The following PRRX2 variants were observed in gnomAD, a reference collection of about 807,000 sequenced individuals.
PRRX2 encodes paired related homeobox 2.
In PRRX2, 11 loss-of-function variants were observed where a neutral mutation model predicts 18.0. The observed-to-expected ratio is 0.61, with a 90% confidence interval of 0.39 to 1.01. PRRX2 has a LOEUF of 1.01. PRRX2 is among the 50% of genes least tolerant of loss of function. The pLI is 0.01. For missense variants in PRRX2, 387 were observed against 351.0 expected (o/e 1.10, Z -0.82); for synonymous variants, 177 against 154.8 (o/e 1.14, Z -1.06).
In PRRX2 at chr9:129,675,172, A is replaced by AG. The variant is rs1313786970; in HGVS notation, c.259+9051dup. Among the ~76,000 whole-genome samples the AG allele has an allele frequency of 6.6e-6, 1 of 152,090 alleles. No individual in the cohort carries two copies. Among genetic ancestry groups the AG allele is most frequent in the East Asian group, 1.9e-4 (1 of 5,182 alleles). On this transcript the variant is annotated intron_variant, in intron 1 of 3. Transcript: ENST00000372469. This position sits in a 1 kb window ranked among gnomAD's most constrained non-coding sequence, Gnocchi z 4.4. ...GAAGTGTCCAGTATACAGGAGAGGG[A>AG]GGGGGCTGCGCTGAGGCTAAGCCCC...
chr9:129,696,955 C>G (rs1490843853), intron 1 of PRRX2, among the ~76,000 whole-genome samples: 1 of 152,206 alleles, frequency 6.6e-6, no homozygotes, highest in African/African-American at 2.4e-5. Flanking sequence ...CGCTCTGCAG[C>G]TTTCTCGCTG....
intron 1 of PRRX2, among the ~76,000 whole-genome samples, chr9:129,686,461 C>G (rs1832300723): frequency 6.6e-6 from 1 of 152,206 alleles, no homozygotes; most frequent in South Asian, 2.1e-4. Context: ...ATCCTTCCGC[C>G]TCAGCCTCCC....
intron 1 of PRRX2, among the ~76,000 whole-genome samples, chr9:129,672,800 G>A (rs1456992868): frequency 6.6e-6 from 1 of 152,168 alleles, no homozygotes; most frequent in Non-Finnish European, 1.5e-5. Context: ...CCGGATGCAC[G>A]AGAGCTGTGG....
chr9:129,709,388 C>T lies in PRRX2; in HGVS notation c.260-9843C>T, dbSNP rs1205052625. ...GTTTGTGGGGGACATGAGGGAACCT[C>T]CTCCAGCCTCCTCCAAACTCCAGGG... On this transcript the variant is annotated intron_variant, in intron 1 of 3. Coordinates refer to ENST00000372469, the MANE Select transcript of PRRX2 (RefSeq NM_016307.4). The surrounding 1 kb of genome is among the most constrained non-coding windows in gnomAD (Gnocchi z 4.2). 6.6e-6 allele frequency among the ~76,000 whole-genome samples: 1 copy of T among 152,204 alleles called. No individual in the cohort carries two copies. The highest frequency in any genetic ancestry group is 1.9e-4 in the East Asian group (1 of 5,184).
chr9:129,701,092 C>T (rs1216655625), intron 1 of PRRX2, among the ~76,000 whole-genome samples: 2 of 152,228 alleles, frequency 1.3e-5, no homozygotes, highest in East Asian at 1.9e-4. Flanking sequence ...AGAGGAAAAT[C>T]GCAAGAGACC....
rs1832759676 is a variant in PRRX2 at position 129,719,417 on chromosome 9, A to G, written c.446A>G (p.Gln149Arg). 1 of 1,526,034 alleles carries G rather than the reference A, an allele frequency of 6.6e-7. No homozygotes were observed. The highest frequency in any genetic ancestry group is 8.8e-7 in the Non-Finnish European group (1 of 1,135,460). The allele number at this position is 1,526,034 out of a possible 1,614,324, so 94.5% of individuals were successfully genotyped here. The change falls in exon 2 of 4, where the codon CAG becomes CGG. Residue 149 changes from glutamine (Q) to arginine (R), a missense_variant and splice_region_variant. Physicochemically the swap from Gln to Arg is conservative, Grantham distance 43 (BLOSUM62 1). Coordinates refer to ENST00000372469, the MANE Select transcript of PRRX2 (RefSeq NM_016307.4). ...RRVNLSEARV[Q>R]VWFQNRRAKF... ...GTCAACCTCAGCGAGGCGCGCGTTCAGGTGAGCGCTCAGTCCCGGGCCTCC... is the reference window on the plus strand; with the variant it reads ...GTCAACCTCAGCGAGGCGCGCGTTCGGGTGAGCGCTCAGTCCCGGGCCTCC...
chr9:129,666,814 G>GGGGGA (rs1741839730), intron 1 of PRRX2, among the ~76,000 whole-genome samples: 1 of 152,218 alleles, frequency 6.6e-6, no homozygotes, highest in African/African-American at 2.4e-5. Context: ...ACGGTTCAGT[G>GGGGGA]GGGGAGGGGA....
intron 1 of PRRX2, among the ~76,000 whole-genome samples, chr9:129,677,270 C>T (rs1269942623): frequency 6.6e-6 from 1 of 152,194 alleles, no homozygotes; most frequent in Non-Finnish European, 1.5e-5. Context: ...AGCAGCCTCA[C>T]GAGAGAGGTG....
chr9:129,694,558 C>T (rs1408167746), intron 1 of PRRX2, among the ~76,000 whole-genome samples: 4 of 152,270 alleles, frequency 2.6e-5, no homozygotes, highest in South Asian at 4.1e-4. Context: ...GAGATTCATG[C>T]GTGCTCGGCA....
chr9:129,705,717 A>G (rs914572058), intron 1 of PRRX2, among the ~76,000 whole-genome samples: 2 of 151,276 alleles, frequency 1.3e-5, no homozygotes, highest in African/African-American at 4.9e-5. Flanking sequence ...CCTGTCCCCA[A>G]CCCTGGCTCC....
chr9:129,671,966 C>T lies in PRRX2; in HGVS notation c.259+5840C>T, dbSNP rs1411472358. 2.6e-5 allele frequency among the ~76,000 whole-genome samples: 4 copies of T among 152,008 alleles called. No homozygotes were observed. The East Asian group carries it at 5.8e-4, about 22-fold the overall frequency. On this transcript the variant is annotated intron_variant, in intron 1 of 3. Coordinates refer to ENST00000372469, the MANE Select transcript of PRRX2 (RefSeq NM_016307.4). This position sits in a 1 kb window ranked among gnomAD's most constrained non-coding sequence, Gnocchi z 4.0. ...GTGGGAGGGGAGGGGCAGCACGGAA[C>T]GGGCTCTGTGCCTATGTTAGGCGTT...
rs1491506009 is a variant in PRRX2, at chr9:129,715,748, T to TCA, written c.260-3482_260-3481insAC. On this transcript the variant is annotated intron_variant, in intron 1 of 3. Coordinates refer to ENST00000372469, the MANE Select transcript of PRRX2 (RefSeq NM_016307.4). This position sits in a 1 kb window ranked among gnomAD's most constrained non-coding sequence, Gnocchi z 4.0. ...CCAAACCCAGCTTCAGGGACATCTT[T>TCA]CTCACACACACACACACACACACAC... Among the ~76,000 whole-genome samples, 8 of 92,872 alleles carry TCA rather than the reference T, an allele frequency of 8.6e-5. No individual in the cohort carries two copies. The East Asian group carries it at 2.7e-3, about 32-fold the overall frequency. The allele number at this position is 92,872 out of a possible 152,430, so 60.9% of individuals were successfully genotyped here.
intron 1 of PRRX2, among the ~76,000 whole-genome samples, chr9:129,688,228 A>C (rs977615021): frequency 6.6e-6 from 1 of 151,904 alleles, no homozygotes; most frequent in Non-Finnish European, 1.5e-5. Context: ...ATGCCTGGCT[A>C]ATTTTTGTCT....
Position 129,667,702 on chromosome 9 carries a change from G to T in PRRX2, c.259+1576G>T, listed in dbSNP as rs542415428. ...ATTTCTGACCTACCCCTGCTGTGGG[G>T]ACAGCCAGGGAAGGCCGTGCTTCTC... On this transcript the variant is annotated intron_variant, in intron 1 of 3. Transcript: ENST00000372469. Among the ~76,000 whole-genome samples, 6 of 152,266 alleles carry T rather than the reference G, an allele frequency of 3.9e-5. No homozygotes were observed. The South Asian group carries it at 1.2e-3, about 32-fold the overall frequency.
chr9:129,687,333 G>C (rs903212800), intron 1 of PRRX2, among the ~76,000 whole-genome samples: 1 of 152,188 alleles, frequency 6.6e-6, no homozygotes, highest in Non-Finnish European at 1.5e-5. Flanking sequence ...GTTGTTCAGC[G>C]GGCCCCTCGG....
chr9:129,702,266 T>C (rs1437830297), intron 1 of PRRX2, among the ~76,000 whole-genome samples: 3 of 146,654 alleles, frequency 2.0e-5, no homozygotes, highest in Admixed American at 2.0e-4. Context: ...GGCATGGTGG[T>C]GGGCGCCTGT....
intron 1 of PRRX2, among the ~76,000 whole-genome samples, chr9:129,712,285 G>C (rs542438858): frequency 1.2e-4 from 18 of 152,268 alleles, no homozygotes; most frequent in South Asian, 4.2e-4. Flanking sequence ...ACCTCAGCCC[G>C]GGGGTCAGGC....
intron 1 of PRRX2, among the ~76,000 whole-genome samples, chr9:129,703,504 A>G (rs1832524525): frequency 1.3e-5 from 2 of 152,158 alleles, no homozygotes; most frequent in South Asian, 4.2e-4. Flanking sequence ...CTGGACATAA[A>G]TCACCCCTGA....
chr9:129,700,011 A>G (rs963879512), intron 1 of PRRX2, among the ~76,000 whole-genome samples: 3 of 152,244 alleles, frequency 2.0e-5, no homozygotes, highest in Non-Finnish European at 4.4e-5. Context: ...CTGCACAGCC[A>G]ATATACAGCA....
Sources: allele counts gnomAD v4.1 joint callset (sites outside exome capture counted in the v4.1 genomes callset), GRCh38; gene constraint gnomAD v4.1.1; non-coding constraint Gnocchi (gnomAD v3.1); transcripts MANE v1.5; gene names NCBI Gene and HGNC (gene_info 2026-07-23, HGNC 2026-07-21).